The following NFIB variants were observed in gnomAD, a reference collection of about 807,000 sequenced individuals.
NFIB encodes the protein nuclear factor I B.
NFIB carries 11 observed loss-of-function variants against 61.5 expected under a neutral mutation model. The observed-to-expected ratio is 0.18, with a 90% CI of 0.11 to 0.30. The LOEUF (loss-of-function observed/expected upper bound fraction) is 0.30, where lower values mean the gene tolerates loss of function less well. NFIB is among the 10% of genes least tolerant of loss of function. The probability of loss-of-function intolerance (pLI) is 1.00; values close to 1 mark genes in which losing one functional copy is unlikely to be tolerated. For missense variants in NFIB, 471 were observed against 608.9 expected (o/e 0.77, Z 2.38); for synonymous variants, 260 against 216.5 (o/e 1.20, Z -1.76).
At chr9:14,167,436 G>A (rs1371702236) in intron 3 of NFIB, among the ~76,000 whole-genome samples, 1 of 152,112 alleles carries the variant, frequency 6.6e-6, no homozygotes, top group Non-Finnish European at 1.5e-5. Flanking sequence ...AGGAGGCTGA[G>A]GCATGAGAAT....
chr9:14,114,347 C>T (rs2037819072), intron 9 of NFIB, among the ~76,000 whole-genome samples: 1 of 152,194 alleles, frequency 6.6e-6, no homozygotes, highest in African/African-American at 2.4e-5. Context: ...CTCACCCTTA[C>T]AGAAGAGCAC....
intron 10 of NFIB, among the ~76,000 whole-genome samples, chr9:14,107,322 A>C (rs890694577): frequency 5.3e-5 from 8 of 151,742 alleles, no homozygotes; most frequent in Admixed American, 2.0e-4. Context: ...GCAAAAAAAA[A>C]CAAACAAACA....
At chr9:14,181,906 T>C (rs1225553823) in intron 2 of NFIB, among the ~76,000 whole-genome samples, 2 of 152,206 alleles carry the variant, frequency 1.3e-5, no homozygotes, top group African/African-American at 2.4e-5. Context: ...TCAGGAGTTG[T>C]AGACTCTGCA....
At chr9:14,125,909 G>C (rs76667969) in intron 6 of NFIB, 143 bp from the exon 7 acceptor site, 1 of 1,101,348 alleles carries the variant, frequency 9.1e-7, no homozygotes, top group Admixed American at 3.0e-5. Flanking sequence ...GAGTGTCAAC[G>C]ATCCAGCTGT....
At chr9:14,164,219 A>G (rs576150920) in intron 3 of NFIB, among the ~76,000 whole-genome samples, 1 of 152,110 alleles carries the variant, frequency 6.6e-6, no homozygotes, top group Non-Finnish European at 1.5e-5. Flanking sequence ...AGAGAAAGTA[A>G]AAATATACAA....
At chr9:14,250,542 C>T (rs2055481653) in intron 2 of NFIB, among the ~76,000 whole-genome samples, 1 of 152,164 alleles carries the variant, frequency 6.6e-6, no homozygotes, top group Non-Finnish European at 1.5e-5. Flanking sequence ...TCACTACTAC[C>T]TCAATTTGAT....
the NFIB span, among the ~76,000 whole-genome samples, chr9:14,492,507 G>C: frequency 6.6e-6 from 1 of 152,068 alleles, no homozygotes; most frequent in African/African-American, 2.4e-5. Flanking sequence ...GAGGCCTCAG[G>C]AAAACTTACA....
chr9:14,479,463 T>C, the NFIB span, among the ~76,000 whole-genome samples: 20 of 152,316 alleles, frequency 1.3e-4, no homozygotes, highest in Middle Eastern at 3.4e-3. Flanking sequence ...TGACAATCTG[T>C]CCATGTCCCC....
At chr9:14,210,928 T>G (rs1223482149) in intron 2 of NFIB, among the ~76,000 whole-genome samples, 2 of 152,200 alleles carry the variant, frequency 1.3e-5, no homozygotes, top group Non-Finnish European at 2.9e-5. Flanking sequence ...TACTCACCTT[T>G]GATTATAGGA....
At chr9:14,156,754 G>C (rs2043461444) in intron 3 of NFIB, among the ~76,000 whole-genome samples, 1 of 152,204 alleles carries the variant, frequency 6.6e-6, no homozygotes, top group South Asian at 2.1e-4. Flanking sequence ...TGTAATGAGT[G>C]TGAGGAATAC....
chr9:14,277,339 A>T (rs2058068583), intron 2 of NFIB, among the ~76,000 whole-genome samples: 1 of 45,488 alleles, frequency 2.2e-5, no homozygotes, highest in Non-Finnish European at 4.5e-5. Context: ...GTGCACGCAC[A>T]CACAGACACA....
chr9:14,429,816 C>G, the NFIB span, among the ~76,000 whole-genome samples: 19 of 152,278 alleles, frequency 1.2e-4, no homozygotes, highest in African/African-American at 4.6e-4. Context: ...AAGTGAATTC[C>G]ATCCATTCAG....
chr9:14,149,038 T>C (rs949903076), intron 5 of NFIB, among the ~76,000 whole-genome samples: 1 of 152,216 alleles, frequency 6.6e-6, no homozygotes, highest in Admixed American at 6.5e-5. Flanking sequence ...GGAAGAAAGA[T>C]CTGTGTTGAC....
At chr9:14,322,194 T>C in intron 1 of NFIB, 2 of 1,055,652 alleles carry the variant, frequency 1.9e-6, no homozygotes, top group Non-Finnish European at 2.4e-6. Context: ...CAAAGTCAAG[T>C]CTAAAAGCAG....
intron 6 of NFIB, among the ~76,000 whole-genome samples, chr9:14,132,801 C>T (rs889997733): frequency 1.3e-5 from 2 of 152,110 alleles, no homozygotes; most frequent in African/African-American, 4.8e-5. Context: ...CCTAGTCTCA[C>T]GAGATCTCCT....
chr9:14,275,983 G>C (rs755130787), intron 2 of NFIB, among the ~76,000 whole-genome samples: 2 of 152,004 alleles, frequency 1.3e-5, no homozygotes, highest in South Asian at 2.1e-4. Context: ...AAAATGAAGA[G>C]TCTCTCAAGC....
chr9:14,209,982 G>A (rs1300430549), intron 2 of NFIB, among the ~76,000 whole-genome samples: 1 of 151,938 alleles, frequency 6.6e-6, no homozygotes, highest in African/African-American at 2.4e-5. Flanking sequence ...AATACAAGAA[G>A]CAAAATTCTA....
At chr9:14,225,909 G>C (rs1187851499) in intron 2 of NFIB, among the ~76,000 whole-genome samples, 2 of 151,952 alleles carry the variant, frequency 1.3e-5, no homozygotes, top group Non-Finnish European at 2.9e-5. Context: ...ATTTCCTTTT[G>C]AAATCTGAAT....
At chr9:14,242,949 T>C (rs1318786012) in intron 2 of NFIB, among the ~76,000 whole-genome samples, 1 of 152,240 alleles carries the variant, frequency 6.6e-6, no homozygotes, top group Non-Finnish European at 1.5e-5. Context: ...CTATGCATTT[T>C]AAATAAATGA....
Sources: gnomAD v4.1 joint callset for allele counts (sites outside exome capture counted in the v4.1 genomes callset) on GRCh38, gnomAD v4.1.1 for gene constraint, MANE v1.5 for transcripts, NCBI Gene and HGNC (gene_info 2026-07-23, HGNC 2026-07-21) for gene names.